Variants in DNAJC5 observed in about 807,000 individuals in gnomAD.
DNAJC5 encodes DnaJ heat shock protein family (Hsp40) member C5.
In DNAJC5, 1 loss-of-function variant was observed where a neutral mutation model predicts 23.2. The ratio of observed to expected loss-of-function variants is 0.04; its 90% CI spans 0.02 to 0.20. The LOEUF (loss-of-function observed/expected upper bound fraction) is 0.20. Among genes scored for constraint, DNAJC5 ranks in the 10% least tolerant of loss-of-function variants. The pLI, the probability that DNAJC5 is intolerant of heterozygous loss-of-function variation, is 1.00. For synonymous variants in DNAJC5, 136 were observed against 120.0 expected (o/e 1.13, Z -0.87); for missense variants, 180 against 267.0 (o/e 0.67, Z 2.27).
Position 63,929,271 on chromosome 20 carries a change from C to A in DNAJC5, c.108-41C>A. The A allele has an allele frequency of 6.3e-7, 1 of 1,588,718 alleles. No homozygotes were observed. The highest frequency in any genetic ancestry group is 1.1e-5 in the South Asian group (1 of 88,334). ...GACGCGGCGGCGGGTGCGGGTGGAA[C>A]AAAGTCCAGGGTAGAGCCAGGACAT... On this transcript the variant is annotated intron_variant, in intron 2 of 4. Transcript: ENST00000360864. The surrounding 1 kb of genome is among the most constrained non-coding windows in gnomAD (Gnocchi z 8.6).
chr20:63,931,715 G>T lies in DNAJC5; in HGVS notation c.*147G>T. ...CCTCCTGCCTCCACGCCCACCCAGC[G>T]TCGACCCTTGACCCACGAAGTGCGT... On this transcript the variant is annotated 3_prime_UTR_variant, in exon 5 of 5. Coordinates refer to ENST00000360864, the MANE Select transcript of DNAJC5 (RefSeq NM_025219.3). This position sits in a 1 kb window ranked among gnomAD's most constrained non-coding sequence, Gnocchi z 9.6. 2 of 769,872 alleles carry T rather than the reference G, an allele frequency of 2.6e-6. No individual in the cohort carries two copies. The highest frequency in any genetic ancestry group is 4.5e-6 in the Non-Finnish European group (2 of 449,404). 47.7% of individuals were successfully genotyped at this position (769,872 alleles called of 1,614,324 possible). A position where few individuals can be genotyped will look rare whatever the true frequency, so the allele number is the denominator to read the frequency against.
At chr20:63,905,622 C>G (rs1044223277) in intron 1 of DNAJC5, among the ~76,000 whole-genome samples, 4 of 150,338 alleles carry the variant, frequency 2.7e-5, no homozygotes, top group African/African-American at 2.5e-5. Context: ...GGCTGGAGTG[C>G]AATGATGTGA....
intron 1 of DNAJC5, among the ~76,000 whole-genome samples, chr20:63,908,746 G>T (rs749533287): frequency 1.1e-4 from 16 of 152,168 alleles, no homozygotes; most frequent in Non-Finnish European, 1.8e-4. Flanking sequence ...GCTATAGGGA[G>T]CTGTGGTCCC....
At chr20:63,907,574 A>C (rs1163753006) in intron 1 of DNAJC5, among the ~76,000 whole-genome samples, 1 of 152,102 alleles carries the variant, frequency 6.6e-6, no homozygotes, top group Admixed American at 6.6e-5. Flanking sequence ...CCACCCCCTG[A>C]CCAGGCCCGT....
chr20:63,913,732 G>A (rs6062578), intron 1 of DNAJC5, among the ~76,000 whole-genome samples: 1 of 151,552 alleles, frequency 6.6e-6, no homozygotes, highest in Non-Finnish European at 1.5e-5. Context: ...GGGCACCTAC[G>A]ACCACGCCCA....
intron 1 of DNAJC5, among the ~76,000 whole-genome samples, chr20:63,922,613 T>G (rs1008979434): frequency 6.6e-6 from 1 of 151,292 alleles, no homozygotes; most frequent in Non-Finnish European, 1.5e-5. Flanking sequence ...GCAAAAAATT[T>G]CTAAAAACTT....
intron 1 of DNAJC5, among the ~76,000 whole-genome samples, chr20:63,901,104 A>G: frequency 6.6e-6 from 1 of 152,216 alleles, no homozygotes; most frequent in Non-Finnish European, 1.5e-5. Context: ...AACTGGAATT[A>G]CAGGCGTGTG....
chr20:63,931,805 T>C lies in DNAJC5; in HGVS notation c.*237T>C. On this transcript the variant is annotated 3_prime_UTR_variant, in exon 5 of 5. Transcript: ENST00000360864. The surrounding 1 kb of genome is among the most constrained non-coding windows in gnomAD (Gnocchi z 9.6). ...TTTTTTTCCCTTTTTTAATAGCATGTATGGGGTTCTGTTCCATGTCTGTGT... is the reference window on the plus strand; with the variant it reads ...TTTTTTTCCCTTTTTTAATAGCATGCATGGGGTTCTGTTCCATGTCTGTGT... 1 of 575,016 alleles carries C rather than the reference T, an allele frequency of 1.7e-6. No individual in the cohort carries two copies. Among genetic ancestry groups the C allele is most frequent in the East Asian group, 3.0e-5 (1 of 33,432 alleles). 35.6% of individuals were successfully genotyped at this position (575,016 alleles called of 1,614,324 possible).
At chr20:63,902,588 G>A (rs962680204) in intron 1 of DNAJC5, among the ~76,000 whole-genome samples, 14 of 145,536 alleles carry the variant, frequency 9.6e-5, no homozygotes, top group Admixed American at 2.1e-4. Flanking sequence ...GGCTGGTCTC[G>A]ACCTCCCAAC....
intron 1 of DNAJC5, among the ~76,000 whole-genome samples, chr20:63,909,480 G>A (rs1568977857): frequency 6.6e-6 from 1 of 152,170 alleles, no homozygotes; most frequent in Admixed American, 6.5e-5. Context: ...TGCAGCCTGG[G>A]CGACAGAGCG....
chr20:63,916,527 A>G (rs1363584114), intron 1 of DNAJC5, among the ~76,000 whole-genome samples: 1 of 152,214 alleles, frequency 6.6e-6, no homozygotes, highest in East Asian at 1.9e-4. Context: ...TCACAAGGCA[A>G]AGGGCAAAAG....
intron 1 of DNAJC5, chr20:63,909,156 G>C (rs934363685): frequency 6.6e-6 from 1 of 152,020 alleles, no homozygotes; most frequent in Non-Finnish European, 1.5e-5. Context: ...TCAGTCGGGC[G>C]TGGTGGCTCA....
intron 1 of DNAJC5, among the ~76,000 whole-genome samples, chr20:63,914,632 G>T (rs2427545): frequency 0.55 from 61,329 of 111,804 alleles, 15,372 homozygotes; most frequent in East Asian, 0.94. Flanking sequence ...TTTTTTTTTT[G>T]GTAGATGGAG....
chr20:63,918,841 G>T (rs373330131), intron 1 of DNAJC5, among the ~76,000 whole-genome samples: 1 of 152,284 alleles, frequency 6.6e-6, no homozygotes, highest in South Asian at 2.1e-4. Context: ...TGACCCGCCC[G>T]CCTTGGCCTC....
At chr20:63,907,591 G>T (rs2053456045) in intron 1 of DNAJC5, among the ~76,000 whole-genome samples, 1 of 152,128 alleles carries the variant, frequency 6.6e-6, no homozygotes, top group African/African-American at 2.4e-5. Flanking sequence ...CCGTCTCACA[G>T]GCCTCTTAGG....
chr20:63,921,289 C>T (rs1490598548), intron 1 of DNAJC5, among the ~76,000 whole-genome samples: 2 of 152,042 alleles, frequency 1.3e-5, no homozygotes, highest in African/African-American at 4.8e-5. Context: ...ATAATGATGT[C>T]ACTAAAAGAG....
At chr20:63,923,397 G>A (rs1324265702) in intron 1 of DNAJC5, among the ~76,000 whole-genome samples, 1 of 151,344 alleles carries the variant, frequency 6.6e-6, no homozygotes, top group Admixed American at 6.6e-5. Flanking sequence ...AGCCAAGATC[G>A]CACCACTGCA....
In DNAJC5 at chr20:63,920,317, G is replaced by C. The variant is rs945002306; in HGVS notation, c.-11-8018G>C. Among the ~76,000 whole-genome samples, 2 of 152,250 alleles carry C rather than the reference G, an allele frequency of 1.3e-5. No homozygotes were observed. The highest frequency in any genetic ancestry group is 4.8e-5 in the African/African-American group (2 of 41,470). On this transcript the variant is annotated intron_variant, in intron 1 of 4. Transcript: ENST00000360864. The surrounding 1 kb of genome is among the most constrained non-coding windows in gnomAD (Gnocchi z 4.6). ...CGTGGGACCCGGCACTCTGTGCTCT[G>C]TGTCTGCCCGGGAACAGGTAGTCCT...
chr20:63,913,485 C>T (rs1452169184), intron 1 of DNAJC5, among the ~76,000 whole-genome samples: 2 of 151,986 alleles, frequency 1.3e-5, no homozygotes, highest in Admixed American at 6.6e-5. Flanking sequence ...CAGCCTCTGC[C>T]TCCTGGGTTC....
Sources: allele counts gnomAD v4.1 joint callset (sites outside exome capture counted in the v4.1 genomes callset), GRCh38; gene constraint gnomAD v4.1.1; non-coding constraint Gnocchi (gnomAD v3.1); transcripts MANE v1.5; gene names NCBI Gene and HGNC (gene_info 2026-07-23, HGNC 2026-07-21).